Variants in EXOC1 observed in about 807,000 individuals in gnomAD.
EXOC1 encodes the protein exocyst complex component 1.
EXOC1 carries 67 observed loss-of-function variants against 107.7 expected under a neutral mutation model. The ratio of observed to expected loss-of-function variants is 0.62; its 90% confidence interval spans 0.51 to 0.76. The LOEUF is 0.76. EXOC1 is among the 30% of genes least tolerant of loss of function. The pLI is 0.00. For missense variants in EXOC1, 833 were observed against 1,055.7 expected, an observed-to-expected ratio of 0.79 and a Z score of 2.92; for synonymous variants, 348 against 353.5, an observed-to-expected ratio of 0.98 and a Z score of 0.17.
rs1309561105 is a variant in EXOC1 at position 55,864,181 on chromosome 4, A to G, written c.256-46A>G. 3.9e-6 allele frequency: 5 copies of G among 1,273,238 alleles called. No individual in the cohort carries two copies. The Admixed American group carries it at 7.7e-5, about 20-fold the overall frequency. 78.9% of individuals were successfully genotyped at this position (1,273,238 alleles called of 1,614,324 possible). Reference sequence around the variant, plus strand: ...ATGCAGATTTTACATTAACAATGTAAAAGGATGTGATCAAAAATAATATCT... The same window carrying G: ...ATGCAGATTTTACATTAACAATGTAGAAGGATGTGATCAAAAATAATATCT... On this transcript the variant is annotated intron_variant, in intron 3 of 18. Transcript: ENST00000381295.
intron 17 of EXOC1, among the ~76,000 whole-genome samples, chr4:55,901,657 TATAAA>T (rs1299107609): frequency 2.0e-5 from 3 of 152,082 alleles, no homozygotes; most frequent in Non-Finnish European, 2.9e-5. Context: ...GCCAAAGAAT[TATAAA>T]ATAAAATGAC....
At chr4:55,857,168 C>CTTTTTTTT (rs71192052) in intron 1 of EXOC1, among the ~76,000 whole-genome samples, 2,937 of 66,274 alleles carry the variant, frequency 0.044, 113 homozygotes, top group Non-Finnish European at 0.054. Context: ...TCCTTTTTTT[C>CTTTTTTTT]TTTTTTTTTT....
Position 55,877,121 on chromosome 4 carries a change from A to G in EXOC1, c.1075-796A>G, listed in dbSNP as rs1259902986. The G allele has an allele frequency of 3.1e-6, 3 of 974,720 alleles. No individual in the cohort carries two copies. The Admixed American group carries it at 1.8e-4, about 60-fold the overall frequency. The allele number at this position is 974,720 out of a possible 1,614,324, so 60.4% of individuals were successfully genotyped here. A position where few individuals can be genotyped will look rare whatever the true frequency, so the allele number is the denominator to read the frequency against. On this transcript the variant is annotated intron_variant, in intron 8 of 18. Coordinates refer to ENST00000381295, the MANE Select transcript of EXOC1 (RefSeq NM_001024924.2). ...AGGTGAAAGAAATCCCTTTTAACTT[A>G]AAAGAATTTAAATTCAGGACGCTTA...
chr4:55,855,759 A>G (rs905460276), intron 1 of EXOC1, among the ~76,000 whole-genome samples: 3 of 152,212 alleles, frequency 2.0e-5, no homozygotes, highest in Non-Finnish European at 4.4e-5. Context: ...GGTTGCATGA[A>G]CAAAAGCCCA....
chr4:55,863,767 C>T (rs1278425782), intron 3 of EXOC1, among the ~76,000 whole-genome samples: 1 of 152,170 alleles, frequency 6.6e-6, no homozygotes, highest in Admixed American at 6.5e-5. Context: ...TTGCATTTTT[C>T]TCAAGTTTTA....
chr4:55,874,505 T>C lies in EXOC1; in HGVS notation c.1074+2547T>C, dbSNP rs531486755. Among the ~76,000 whole-genome samples the C allele has an allele frequency of 2.6e-5, 4 of 152,298 alleles. No individual in the cohort carries two copies. The South Asian group carries it at 8.3e-4, about 32-fold the overall frequency. On this transcript the variant is annotated intron_variant, in intron 8 of 18. Coordinates refer to ENST00000381295, the MANE Select transcript of EXOC1 (RefSeq NM_001024924.2). ...CCTTATGAAGGACTCACTTCTTTCA[T>C]TGTACTTTTTCTTATTGCTATAGGC...
At chr4:55,891,041 A>G (rs1328320050) in intron 12 of EXOC1, among the ~76,000 whole-genome samples, 2 of 152,184 alleles carry the variant, frequency 1.3e-5, no homozygotes, top group Admixed American at 6.5e-5. Context: ...AATAAGTTTT[A>G]AAAGTTGATC....
In EXOC1 at chr4:55,902,551, C is replaced by A. The variant is rs750614668; in HGVS notation, c.2532+13C>A. On this transcript the variant is annotated intron_variant, in intron 18 of 18. Transcript: ENST00000381295. ...GAACTTACTTCAGGTATGCTTACTT[C>A]TTTTGACCATCTGACTTAAAGATCC... The A allele has an allele frequency of 6.9e-7, 1 of 1,453,920 alleles. No homozygotes were observed. Among genetic ancestry groups the A allele is most frequent in the Non-Finnish European group, 9.1e-7 (1 of 1,104,880 alleles). 90.1% of individuals were successfully genotyped at this position (1,453,920 alleles called of 1,614,324 possible).
intron 14 of EXOC1, 42 bp downstream of exon 14, chr4:55,892,753 A>G: frequency 1.2e-6 from 2 of 1,602,124 alleles, no homozygotes; most frequent in South Asian, 1.1e-5. Context: ...GGAAAAAATA[A>G]ACTTTAAAAT....
intron 1 of EXOC1, among the ~76,000 whole-genome samples, chr4:55,854,246 T>G (rs1720746459): frequency 6.9e-6 from 1 of 144,786 alleles, no homozygotes; most frequent in South Asian, 2.3e-4. Flanking sequence ...CACAGTTATA[T>G]CTTCTAGATG....
At chr4:55,899,933 A>C in intron 17 of EXOC1, 49 bp downstream of exon 17, 2 of 1,458,952 alleles carry the variant, frequency 1.4e-6, no homozygotes, top group Non-Finnish European at 1.9e-6. Context: ...ACCTATACAC[A>C]TAAGTTTGCA....
intron 11 of EXOC1, 124 bp from the exon 12 acceptor site, chr4:55,890,099 G>A (rs1248627029): frequency 1.3e-6 from 1 of 792,570 alleles, no homozygotes; most frequent in Admixed American, 2.6e-5. Context: ...TAGAAGATTT[G>A]TGCACTAACT....
chr4:55,860,515 G>C lies in EXOC1; in HGVS notation c.229G>C (p.Val77Leu), dbSNP rs758728138. Residue 77 changes from valine (V) to leucine (L), a missense_variant, in exon 3 of 19, where the codon GTG (valine) becomes CTG (leucine). By Grantham distance (32) the Val-to-Leu change is conservative. This residue lies in a region of EXOC1 where 617 missense variants were observed against 701.3 expected (regional missense o/e 0.88). Transcript: ENST00000381295. Reference protein sequence around the residue: ...QIAWALRDLAVVDAKDAIKEN... With the variant: ...QIAWALRDLALVDAKDAIKEN... ...TGCATGGGCCCTTCGAGATCTTGCT[G>C]TGGTAGATGCCAAAGATGCTATCAA... The C allele has an allele frequency of 1.2e-6, 2 of 1,614,026 alleles. No homozygotes were observed. Among genetic ancestry groups the C allele is most frequent in the Admixed American group, 3.3e-5 (2 of 60,020 alleles).
chr4:55,858,562 A>C (rs1721196807), intron 2 of EXOC1, 115 bp downstream of exon 2: 1 of 1,158,782 alleles, frequency 8.6e-7, no homozygotes, highest in Non-Finnish European at 1.2e-6. Context: ...TTGTTGGGTC[A>C]ACACATTCCT....
At chr4:55,879,265 T>C (rs1723173171) in intron 9 of EXOC1, among the ~76,000 whole-genome samples, 1 of 152,134 alleles carries the variant, frequency 6.6e-6, no homozygotes, top group Non-Finnish European at 1.5e-5. Flanking sequence ...GTTAATTATA[T>C]AGTATGTTAA....
At chr4:55,886,587 A>AAAAAAAC in intron 10 of EXOC1, among the ~76,000 whole-genome samples, 3 of 151,976 alleles carry the variant, frequency 2.0e-5, no homozygotes, top group East Asian at 1.9e-4. Flanking sequence ...AAAAAAAAAA[A>AAAAAAAC]AACAAGAAAT....
chr4:55,867,861 T>C (rs1420607692), intron 4 of EXOC1, among the ~76,000 whole-genome samples: 1 of 152,106 alleles, frequency 6.6e-6, no homozygotes, highest in Non-Finnish European at 1.5e-5. Flanking sequence ...TTGGCAAAAA[T>C]ATACATACTG....
At chr4:55,889,681 G>A (rs970034879) in intron 11 of EXOC1, among the ~76,000 whole-genome samples, 3 of 152,176 alleles carry the variant, frequency 2.0e-5, no homozygotes, top group African/African-American at 7.2e-5. Context: ...AACATACTAA[G>A]TTGAATCATA....
chr4:55,893,808 T>A, intron 15 of EXOC1, 28 bp downstream of exon 15: 1 of 1,565,838 alleles, frequency 6.4e-7, no homozygotes, highest in South Asian at 1.1e-5. Flanking sequence ...AAAAAATACC[T>A]TAGCATCCTA....
Sources: gnomAD v4.1 joint callset for allele counts (sites outside exome capture counted in the v4.1 genomes callset) on GRCh38, gnomAD v4.1.1 for gene constraint, gnomAD v4.1.1 regional missense constraint, MANE v1.5 for transcripts, NCBI Gene and HGNC (gene_info 2026-07-23, HGNC 2026-07-21) for gene names.